Variants in CACNA1B observed in about 807,000 individuals in gnomAD.
CACNA1B encodes the protein calcium voltage-gated channel subunit alpha1 B, also known as voltage-dependent N-type calcium channel subunit alpha-1B.
CACNA1B carries 70 observed loss-of-function variants against 247.2 expected under a neutral mutation model. That is an observed-to-expected ratio of 0.28 (90% confidence interval 0.23 to 0.35). The LOEUF is 0.35. Ranked by LOEUF, CACNA1B falls within the 10% of genes least tolerant of loss-of-function variation. CACNA1B has a pLI of 1.00. For missense variants in CACNA1B, 2,367 were observed against 3,197.4 expected, an observed-to-expected ratio of 0.74 and a Z score of 6.26; for synonymous variants, 1,231 against 1,294.4, an observed-to-expected ratio of 0.95 and a Z score of 1.05.
Position 137,891,967 on chromosome 9 carries a change from C to T in CACNA1B, c.530+9084C>T, listed in dbSNP as rs752958145. ...GCCAATGCCACCCTCCCTGTCTCCC[C>T]TGAGAGCACAGGAGCCTGGTGAAAA... is the stretch of plus-strand genomic sequence containing the variant. On this transcript the variant is annotated intron_variant, in intron 3 of 46. Transcript: ENST00000371372. The surrounding 1 kb of genome is among the most constrained non-coding windows in gnomAD (Gnocchi z 4.3). The T allele has an allele frequency of 2.3e-6, 1 of 443,852 alleles. No individual in the cohort carries two copies. The allele number at this position is 443,852 out of a possible 1,614,324, so 27.5% of individuals were successfully genotyped here. A position where few individuals can be genotyped will look rare whatever the true frequency, so the allele number is the denominator to read the frequency against.
chr9:138,045,190 G>C (rs1230053319), intron 21 of CACNA1B, among the ~76,000 whole-genome samples: 2 of 152,222 alleles, frequency 1.3e-5, no homozygotes, highest in Middle Eastern at 3.2e-3. Context: ...GGACAGAACT[G>C]GGTCAGAACA....
At chr9:137,982,074 T>G (rs1479723805) in intron 12 of CACNA1B, among the ~76,000 whole-genome samples, 3 of 152,226 alleles carry the variant, frequency 2.0e-5, no homozygotes, top group Admixed American at 2.0e-4. Context: ...CTTTTCCTGC[T>G]GGGGAACAAA....
At chr9:138,115,716 G>A (rs754607512) in intron 42 of CACNA1B, 37 bp downstream of exon 42, 4 of 1,585,698 alleles carry the variant, frequency 2.5e-6, no homozygotes, top group South Asian at 2.3e-5. Context: ...TGGACAGGAG[G>A]AGGTCCAAAG....
chr9:138,062,976 C>T (rs1959783000), intron 31 of CACNA1B, among the ~76,000 whole-genome samples: 1 of 152,264 alleles, frequency 6.6e-6, no homozygotes, highest in African/African-American at 2.4e-5. Flanking sequence ...CCTTGGAGTC[C>T]TTGTCCTGGC....
intron 6 of CACNA1B, among the ~76,000 whole-genome samples, chr9:137,938,053 C>A (rs1353811079): frequency 7.0e-6 from 1 of 142,054 alleles, no homozygotes; most frequent in African/African-American, 2.6e-5. Context: ...ATGAAATTAA[C>A]AGCAGATTTC....
rs1045637341 is a variant in CACNA1B, at chr9:138,123,749, T to C, written c.*1750T>C. On this transcript the variant is annotated 3_prime_UTR_variant, in exon 47 of 47. Coordinates refer to ENST00000371372, the MANE Select transcript of CACNA1B (RefSeq NM_000718.4). ...GCATGATTGTGACCAAACCTTTTTA[T>C]AGAATTTCCTTACCTGAAGGCACAA... 1 of 152,206 alleles carries C rather than the reference T, an allele frequency of 6.6e-6. No homozygotes were observed. The highest frequency in any genetic ancestry group is 1.5e-5 in the Non-Finnish European group (1 of 68,038). The allele number at this position is 152,206 out of a possible 1,614,324, so 9.4% of individuals were successfully genotyped here.
Position 137,973,639 on chromosome 9 carries a change from C to G in CACNA1B, c.1543+2047C>G, listed in dbSNP as rs1212891194. On this transcript the variant is annotated intron_variant, in intron 11 of 46. Coordinates refer to ENST00000371372, the MANE Select transcript of CACNA1B (RefSeq NM_000718.4). The surrounding 1 kb of genome is among the most constrained non-coding windows in gnomAD (Gnocchi z 4.1). ...TGGTTTTAGTGATCTGTCTCTGTTTCCCCCTCAGCTTGTGAACTCCTGGGG... is the reference window on the plus strand; with the variant it reads ...TGGTTTTAGTGATCTGTCTCTGTTTGCCCCTCAGCTTGTGAACTCCTGGGG... 6.6e-6 allele frequency among the ~76,000 whole-genome samples: 1 copy of G among 152,148 alleles called. No homozygotes were observed. The highest frequency in any genetic ancestry group is 2.4e-5 in the African/African-American group (1 of 41,434).
Position 137,984,185 on chromosome 9 carries a change from G to A in CACNA1B, c.1704G>A (p.Pro568=), listed in dbSNP as rs199970716. 14 of 1,604,946 alleles carry A rather than the reference G, an allele frequency of 8.7e-6. No individual in the cohort carries two copies. The highest frequency in any genetic ancestry group is 1.2e-5 in the Non-Finnish European group (14 of 1,176,166). The part of the protein sequence containing the change: ...VFEVVWAAIK[P]GSSFGISVLR... ...AAGTGGTCTGGGCGGCCATCAAGCC[G>A]GGAAGCTCCTTTGGGATCAGTGTGC... The change falls in exon 13 of 47, where the codon CCG becomes CCA. Residue 568 remains proline (P), a synonymous_variant. Coordinates refer to ENST00000371372, the MANE Select transcript of CACNA1B (RefSeq NM_000718.4).
At chr9:138,063,448 C>G (rs546728398) in intron 31 of CACNA1B, among the ~76,000 whole-genome samples, 1 of 152,314 alleles carries the variant, frequency 6.6e-6, no homozygotes, top group East Asian at 1.9e-4. Context: ...GAGCTATGAT[C>G]GCACCACTGC....
In CACNA1B at chr9:137,882,445, C is replaced by T. The variant is rs1397355943; in HGVS notation, c.391-299C>T. On this transcript the variant is annotated intron_variant, in intron 2 of 46. Coordinates refer to ENST00000371372, the MANE Select transcript of CACNA1B (RefSeq NM_000718.4). The surrounding 1 kb of genome is among the most constrained non-coding windows in gnomAD (Gnocchi z 4.0). ...CAGGGAGATTGGGGCCCCACTGTGA[C>T]GTGGGCAGAAGCTGAGATGCCAGGG... 2.0e-5 allele frequency among the ~76,000 whole-genome samples: 3 copies of T among 152,190 alleles called. No homozygotes were observed. The highest frequency in any genetic ancestry group is 2.9e-5 in the Non-Finnish European group (2 of 68,026).
chr9:138,084,452 C>T (rs1960628275), intron 36 of CACNA1B, among the ~76,000 whole-genome samples: 2 of 151,270 alleles, frequency 1.3e-5, no homozygotes. Flanking sequence ...ACTTCTACAC[C>T]CTGGACAACT....
chr9:138,000,244 GCC>G (rs1158247143), intron 15 of CACNA1B, among the ~76,000 whole-genome samples: 1 of 151,174 alleles, frequency 6.6e-6, no homozygotes, highest in South Asian at 2.1e-4. Context: ...GACTACAGGC[GCC>G]CGCCACTACG....
In CACNA1B at chr9:138,052,113, C is replaced by A; in HGVS notation, c.3732C>A (p.Ile1244=). The A allele has an allele frequency of 6.2e-7, 1 of 1,609,016 alleles. No individual in the cohort carries two copies. Among genetic ancestry groups the A allele is most frequent in the South Asian group, 1.1e-5 (1 of 90,754 alleles). ...FAFSGSKGKD[I]NTIKSLRVLR... The stretch of plus-strand genomic sequence containing the variant: ...CTAGAGGATCCAAAGGGAAAGACAT[C>A]AATACCATCAAGTCTCTGAGAGTCC... The change falls in exon 25 of 47, where the codon ATC becomes ATA. Residue 1244 remains isoleucine, a synonymous_variant. Transcript: ENST00000371372. The surrounding 1 kb of genome is among the most constrained non-coding windows in gnomAD (Gnocchi z 5.1).
chr9:138,109,915 G>A (rs1961564383), intron 39 of CACNA1B, among the ~76,000 whole-genome samples: 3 of 151,970 alleles, frequency 2.0e-5, no homozygotes, highest in Admixed American at 2.0e-4. Flanking sequence ...ACTAAAAAAA[G>A]CTGGGCCTGC....
intron 3 of CACNA1B, among the ~76,000 whole-genome samples, chr9:137,908,277 A>C (rs1957319396): frequency 6.6e-6 from 1 of 152,172 alleles, no homozygotes; most frequent in Non-Finnish European, 1.5e-5. Flanking sequence ...GTACTTTGGG[A>C]GGCTGAGGCG....
At position 137,973,404 on chromosome 9, in the gene CACNA1B, T is replaced by G. The variant is rs1958179961; in HGVS notation, c.1543+1812T>G. Among the ~76,000 whole-genome samples the G allele has an allele frequency of 6.6e-6, 1 of 152,140 alleles. No homozygotes were observed. Among genetic ancestry groups the G allele is most frequent in the South Asian group, 2.1e-4 (1 of 4,822 alleles). ...CCTAGAGCAGCTTTGCAGGGGCTCA[T>G]CGTGGGTTCTGTGCACCTCGGCTGT... On this transcript the variant is annotated intron_variant, in intron 11 of 46. Transcript: ENST00000371372. The surrounding 1 kb of genome is among the most constrained non-coding windows in gnomAD (Gnocchi z 4.1).
intron 15 of CACNA1B, among the ~76,000 whole-genome samples, chr9:137,999,051 A>G (rs1053871656): frequency 3.3e-5 from 5 of 152,146 alleles, no homozygotes; most frequent in Non-Finnish European, 5.9e-5. Context: ...TCACTCCTGT[A>G]ATCCCAGCGC....
At chr9:137,924,347 C>G (rs931112953) in intron 6 of CACNA1B, among the ~76,000 whole-genome samples, 1 of 146,670 alleles carries the variant, frequency 6.8e-6, no homozygotes, top group Non-Finnish European at 1.5e-5. Flanking sequence ...CTTCCTCCTT[C>G]CCTCCCTCCT....
intron 36 of CACNA1B, among the ~76,000 whole-genome samples, chr9:138,078,970 G>A (rs902329659): frequency 2.0e-5 from 3 of 152,192 alleles, no homozygotes; most frequent in Admixed American, 6.5e-5. Context: ...GTTTAGGGTT[G>A]GAGGCAGCAG....
Sources: gnomAD v4.1 joint callset for allele counts (sites outside exome capture counted in the v4.1 genomes callset) on GRCh38, gnomAD v4.1.1 for gene constraint, Gnocchi (gnomAD v3.1) non-coding constraint, MANE v1.5 for transcripts, NCBI Gene and HGNC (gene_info 2026-07-23, HGNC 2026-07-21) for gene names.